Variants in GNAS-AS1 observed in about 807,000 individuals in gnomAD.
GNAS-AS1 encodes GNAS antisense RNA 1 (non-protein coding).
chr20:58,847,884 A>C (rs2085996049), intron 2 of GNAS-AS1, among the ~76,000 whole-genome samples: 2 of 152,226 alleles, frequency 1.3e-5, no homozygotes, highest in African/African-American at 4.8e-5. Flanking sequence ...CCAGAATGTA[A>C]GTAGAAACAC....
intron 4 of GNAS-AS1, among the ~76,000 whole-genome samples, chr20:58,830,783 G>A (rs1465246247): frequency 6.6e-6 from 1 of 150,798 alleles, no homozygotes; most frequent in East Asian, 2.0e-4. Flanking sequence ...CTAGCAAGCA[G>A]AAGGAGGCAA....
At chr20:58,842,933 G>A (rs558231338) in intron 2 of GNAS-AS1, among the ~76,000 whole-genome samples, 1 of 152,300 alleles carries the variant, frequency 6.6e-6, no homozygotes, top group African/African-American at 2.4e-5. Flanking sequence ...GTTGCAGGAT[G>A]AATAAACAAG....
intron 4 of GNAS-AS1, among the ~76,000 whole-genome samples, chr20:58,829,640 A>G (rs1285269406): frequency 6.6e-6 from 1 of 152,066 alleles, no homozygotes; most frequent in East Asian, 1.9e-4. Context: ...GCTACTCCTC[A>G]ACTTGGAACT....
chr20:58,837,666 C>A (rs1400246487), intron 4 of GNAS-AS1, among the ~76,000 whole-genome samples: 3 of 152,226 alleles, frequency 2.0e-5, no homozygotes, highest in Non-Finnish European at 4.4e-5. Context: ...TGGTCTTGAA[C>A]TCCTGGCCTC....
intron 4 of GNAS-AS1, among the ~76,000 whole-genome samples, chr20:58,821,267 T>C (rs938646039): frequency 6.6e-6 from 1 of 152,186 alleles, no homozygotes; most frequent in African/African-American, 2.4e-5. Flanking sequence ...TTCCACTGGC[T>C]GTCCCCTCTG....
At position 58,840,826 on chromosome 20, in the gene GNAS-AS1, C is replaced by G. The variant is rs112322423; in HGVS notation, n.819+1111G>C. 1.2e-6 allele frequency: 2 copies of G among 1,612,792 alleles called. No individual in the cohort carries two copies. Among genetic ancestry groups the G allele is most frequent in the South Asian group, 1.1e-5 (1 of 91,070 alleles). On this transcript the variant is annotated intron_variant and non_coding_transcript_variant, in intron 4 of 4. Coordinates refer to ENST00000424094, the Ensembl canonical transcript of GNAS-AS1. This position sits in a 1 kb window ranked among gnomAD's most constrained non-coding sequence, Gnocchi z 6.0. ...AGTCCCCTTCCAAAAAGGGACCCATCCCCATCCGGCGTCACTAATGGAGGA... is the reference window on the plus strand; with the variant it reads ...AGTCCCCTTCCAAAAAGGGACCCATGCCCATCCGGCGTCACTAATGGAGGA...
intron 2 of GNAS-AS1, chr20:58,842,696 GGT>G: frequency 2.5e-6 from 1 of 395,630 alleles, no homozygotes; most frequent in Non-Finnish European, 4.4e-6. Context: ...AAACAATGAT[GGT>G]GTGTTGGCTT....
chr20:58,830,289 T>C (rs1358797086), intron 4 of GNAS-AS1, among the ~76,000 whole-genome samples: 12 of 85,420 alleles, frequency 1.4e-4, no homozygotes, highest in Non-Finnish European at 1.9e-4. Flanking sequence ...CACACCACCA[T>C]CACCACCACC....
At chr20:58,846,995 C>T (rs1449714984) in intron 2 of GNAS-AS1, among the ~76,000 whole-genome samples, 1 of 152,138 alleles carries the variant, frequency 6.6e-6, no homozygotes. Flanking sequence ...CTGGAATGGC[C>T]TCTCCTCCCC....
rs2085666535 is a variant in GNAS-AS1, at chr20:58,840,275, G to A, written n.819+1662C>T. On this transcript the variant is annotated intron_variant and non_coding_transcript_variant, in intron 4 of 4. Coordinates refer to ENST00000424094, the Ensembl canonical transcript of GNAS-AS1. This position sits in a 1 kb window ranked among gnomAD's most constrained non-coding sequence, Gnocchi z 6.0. ...CAACGCCCGTGCCCAGCAGCGCGCG[G>A]CTGCCCAACAGCGCCGGAGCTTCCT... 12 of 1,612,106 alleles carry A rather than the reference G, an allele frequency of 7.4e-6. No individual in the cohort carries two copies. In the East Asian group the frequency reaches 2.7e-4, roughly 36 times the overall value.
chr20:58,838,822 T>A (rs2085633822), intron 4 of GNAS-AS1: 2 of 384,880 alleles, frequency 5.2e-6, no homozygotes, highest in East Asian at 7.3e-5. Flanking sequence ...GAGGCTTAGG[T>A]AGGAGAATCT....
chr20:58,839,177 T>G, intron 4 of GNAS-AS1: 1 of 398,592 alleles, frequency 2.5e-6, no homozygotes, highest in East Asian at 3.6e-5. Context: ...GGGCCCTTGT[T>G]GAAGAAGATG....
intron 4 of GNAS-AS1, chr20:58,839,722 C>G: frequency 2.1e-6 from 1 of 487,438 alleles, no homozygotes; most frequent in Non-Finnish European, 3.6e-6. Flanking sequence ...CTTCGCAGAA[C>G]CTCACTGCCC....
At chr20:58,844,883 GT>G (rs2085885207) in intron 2 of GNAS-AS1, among the ~76,000 whole-genome samples, 1 of 152,180 alleles carries the variant, frequency 6.6e-6, no homozygotes, top group African/African-American at 2.4e-5. Flanking sequence ...TCTGTTTTGT[GT>G]TGGCTTCATG....
chr20:58,837,694 C>T (rs1407787565), intron 4 of GNAS-AS1, among the ~76,000 whole-genome samples: 3 of 152,208 alleles, frequency 2.0e-5, no homozygotes, highest in Non-Finnish European at 2.9e-5. Flanking sequence ...CCACCCGCCT[C>T]GGCCTCCCAA....
intron 4 of GNAS-AS1, among the ~76,000 whole-genome samples, chr20:58,826,332 C>T (rs1006551069): frequency 3.3e-5 from 5 of 152,214 alleles, no homozygotes; most frequent in African/African-American, 1.2e-4. Context: ...GCTCTGCTGC[C>T]CCTGTCATCC....
chr20:58,848,207 G>T (rs898796125), intron 2 of GNAS-AS1, among the ~76,000 whole-genome samples: 2 of 152,176 alleles, frequency 1.3e-5, no homozygotes, highest in African/African-American at 4.8e-5. Context: ...AAGTAGCCAA[G>T]TATACACAAT....
Position 58,840,346 on chromosome 20 carries a change from C to G in GNAS-AS1, n.819+1591G>C. The G allele has an allele frequency of 1.2e-6, 2 of 1,613,208 alleles. No homozygotes were observed. The highest frequency in any genetic ancestry group is 1.7e-6 in the Non-Finnish European group (2 of 1,180,012). ...GCGCCCAGGTATTCCCTGAGTCCCC[C>G]GAATCGGAATCTGACCACGAGCACG... is the stretch of plus-strand genomic sequence containing the variant. On this transcript the variant is annotated intron_variant and non_coding_transcript_variant, in intron 4 of 4. Transcript: ENST00000424094. The surrounding 1 kb of genome is among the most constrained non-coding windows in gnomAD (Gnocchi z 6.0).
intron 4 of GNAS-AS1, among the ~76,000 whole-genome samples, chr20:58,824,881 C>T (rs1393241864): frequency 6.6e-6 from 1 of 152,214 alleles, no homozygotes. Flanking sequence ...TCCCCTCACC[C>T]AATCCCCAGA....
Sources: gnomAD v4.1 joint callset for allele counts (sites outside exome capture counted in the v4.1 genomes callset) on GRCh38, gnomAD v4.1.1 for gene constraint, Gnocchi (gnomAD v3.1) non-coding constraint, MANE v1.5 for transcripts, NCBI Gene and HGNC (gene_info 2026-07-23, HGNC 2026-07-21) for gene names.